Variants in EAF2 observed in about 807,000 individuals in gnomAD.
The protein encoded by EAF2 is ELL-associated factor 2.
Under a neutral mutation model 29.4 loss-of-function variants are expected in EAF2, and 29 were observed. That is an observed-to-expected ratio of 0.99 (90% CI 0.73 to 1.35). The LOEUF (loss-of-function observed/expected upper bound fraction) is 1.35, where lower values mean the gene tolerates loss of function less well. EAF2 is among the 40% of genes most tolerant of loss of function. EAF2 has a pLI of 0.00. For missense variants in EAF2, 292 were observed against 312.0 expected, an observed-to-expected ratio of 0.94 and a Z score of 0.48; for synonymous variants, 103 against 102.5, an observed-to-expected ratio of 1.00 and a Z score of -0.03.
intron 5 of EAF2, among the ~76,000 whole-genome samples, chr3:121,879,369 T>G (rs1311468989): frequency 1.3e-5 from 2 of 152,140 alleles, no homozygotes; most frequent in Admixed American, 1.3e-4. Context: ...TCTTTTGTTG[T>G]GCAGAAGCTT....
At chr3:121,847,887 C>T (rs1298957495) in intron 2 of EAF2, among the ~76,000 whole-genome samples, 4 of 152,096 alleles carry the variant, frequency 2.6e-5, no homozygotes, top group African/African-American at 4.8e-5. Context: ...TGGAGCTAGA[C>T]ATCCTATACT....
At position 121,857,111 on chromosome 3, in the gene EAF2, G is replaced by A. The variant is rs758542949; in HGVS notation, c.439G>A (p.Glu147Lys). 1 of 1,613,568 alleles carries A rather than the reference G, an allele frequency of 6.2e-7. No homozygotes were observed. Among genetic ancestry groups the A allele is most frequent in the Non-Finnish European group, 8.5e-7 (1 of 1,179,722 alleles). The change falls in exon 4 of 6, where the codon GAA (glutamate) becomes AAA (lysine). Residue 147 changes from glutamate (E) to lysine (K), a missense_variant. Physicochemically the swap from Glu to Lys is moderately conservative, Grantham distance 56. Transcript: ENST00000273668. Reference sequence around the variant, plus strand: ...CAATCTTGTAAAACATTCTCCATCTGAAGATAAGATGTCCCCAGCATCTCC... The same window carrying A: ...CAATCTTGTAAAACATTCTCCATCTAAAGATAAGATGTCCCCAGCATCTCC... Reference protein sequence around the residue: ...TPNLVKHSPSEDKMSPASPID... With the variant: ...TPNLVKHSPSKDKMSPASPID...
At chr3:121,872,406 G>T (rs1709029684) in intron 4 of EAF2, 131 bp from the exon 5 acceptor site, 3 of 675,258 alleles carry the variant, frequency 4.4e-6, no homozygotes, top group Non-Finnish European at 7.0e-6. Context: ...TTAATAAAAT[G>T]CTTCAAGTAC....
At chr3:121,845,459 A>AAAAAAAAAAAAAAAAAAAAG (rs71133578) in intron 2 of EAF2, among the ~76,000 whole-genome samples, 3 of 96,612 alleles carry the variant, frequency 3.1e-5, no homozygotes, top group African/African-American at 9.0e-5. Flanking sequence ...AAAAAAAAAA[A>AAAAAAAAAAAAAAAAAAAAG]AAAGAAAGAA....
chr3:121,855,269 T>C (rs1466067653), intron 3 of EAF2, among the ~76,000 whole-genome samples: 4 of 152,148 alleles, frequency 2.6e-5, no homozygotes, highest in African/African-American at 9.7e-5. Flanking sequence ...AAAAAGTCAA[T>C]AGGAGAATAT....
chr3:121,840,546 C>T (rs1045469125), intron 1 of EAF2, among the ~76,000 whole-genome samples: 5 of 142,096 alleles, frequency 3.5e-5, no homozygotes, highest in African/African-American at 5.2e-5. Flanking sequence ...TGGCTCACGC[C>T]TGTAATCCCA....
intron 4 of EAF2, among the ~76,000 whole-genome samples, chr3:121,865,496 G>A (rs1033841047): frequency 2.6e-5 from 4 of 151,922 alleles, no homozygotes; most frequent in Non-Finnish European, 5.9e-5. Context: ...TAATATTTTT[G>A]TAGCTTAAAT....
intron 4 of EAF2, among the ~76,000 whole-genome samples, chr3:121,865,928 C>T (rs1708917900): frequency 6.6e-6 from 1 of 152,180 alleles, no homozygotes; most frequent in Non-Finnish European, 1.5e-5. Flanking sequence ...CTCTACCTCC[C>T]AGACCTGCCC....
chr3:121,863,528 C>A (rs1166138163), intron 4 of EAF2, among the ~76,000 whole-genome samples: 3 of 152,112 alleles, frequency 2.0e-5, no homozygotes, highest in Admixed American at 6.6e-5. Context: ...CCTGGTGTGC[C>A]GTTTGCTAAG....
intron 5 of EAF2, among the ~76,000 whole-genome samples, chr3:121,885,887 C>G (rs960701264): frequency 6.6e-6 from 1 of 152,010 alleles, no homozygotes; most frequent in Non-Finnish European, 1.5e-5. Context: ...ACTGTAAGCT[C>G]CATGACTGTA....
intron 4 of EAF2, among the ~76,000 whole-genome samples, chr3:121,861,150 A>G (rs1708822561): frequency 6.6e-6 from 1 of 152,158 alleles, no homozygotes; most frequent in Non-Finnish European, 1.5e-5. Context: ...TATTCTGTTG[A>G]TTTGGGGTGG....
At chr3:121,852,559 A>G (rs557898280) in intron 2 of EAF2, among the ~76,000 whole-genome samples, 1 of 152,176 alleles carries the variant, frequency 6.6e-6, no homozygotes, top group South Asian at 2.1e-4. Flanking sequence ...CCCACAAACA[A>G]CTGTTCCTTT....
intron 5 of EAF2, among the ~76,000 whole-genome samples, chr3:121,883,938 T>G (rs943324265): frequency 6.6e-6 from 1 of 152,220 alleles, no homozygotes; most frequent in Admixed American, 6.5e-5. Flanking sequence ...AAAATGGAAC[T>G]CTGAGTACGT....
intron 5 of EAF2, among the ~76,000 whole-genome samples, chr3:121,876,169 G>A (rs1304037648): frequency 2.0e-5 from 3 of 151,848 alleles, no homozygotes; most frequent in Admixed American, 1.3e-4. Context: ...CTACAGAGAA[G>A]ACAAACTACA....
intron 2 of EAF2, among the ~76,000 whole-genome samples, chr3:121,845,459 A>AAAAAG (rs71133578): frequency 0.26 from 24,391 of 92,926 alleles, 4,040 homozygotes; most frequent in South Asian, 0.37. Context: ...AAAAAAAAAA[A>AAAAAG]AAAGAAAGAA....
intron 5 of EAF2, among the ~76,000 whole-genome samples, chr3:121,875,487 G>A (rs1709080503): frequency 6.6e-6 from 1 of 151,934 alleles, no homozygotes; most frequent in Non-Finnish European, 1.5e-5. Context: ...ACAAAACCCT[G>A]TCAGAGTGGT....
intron 2 of EAF2, among the ~76,000 whole-genome samples, chr3:121,852,167 T>C (rs1708646247): frequency 1.3e-5 from 2 of 152,200 alleles, no homozygotes; most frequent in South Asian, 4.1e-4. Context: ...TTTTTAAAAA[T>C]TAATGATTAG....
chr3:121,860,076 G>A (rs1470999262), intron 4 of EAF2, among the ~76,000 whole-genome samples: 1 of 152,230 alleles, frequency 6.6e-6, no homozygotes, highest in African/African-American at 2.4e-5. Context: ...CAATTTGCCA[G>A]TATTTTATTG....
chr3:121,838,717 A>T (rs1708350940), intron 1 of EAF2, among the ~76,000 whole-genome samples: 1 of 152,150 alleles, frequency 6.6e-6, no homozygotes, highest in South Asian at 2.1e-4. Flanking sequence ...ACCCCTTGGG[A>T]TTGTACAGTA....
Sources: gnomAD v4.1 joint callset for allele counts (sites outside exome capture counted in the v4.1 genomes callset) on GRCh38, gnomAD v4.1.1 for gene constraint, MANE v1.5 for transcripts, NCBI Gene and HGNC (gene_info 2026-07-23, HGNC 2026-07-21) for gene names.